SLFN5: variants seen among roughly 807,000 people sequenced by gnomAD.
The protein encoded by SLFN5 is schlafen family member 5.
SLFN5 carries 34 observed loss-of-function variants against 48.5 expected under a neutral mutation model. The ratio of observed to expected loss-of-function variants is 0.70; its 90% CI spans 0.53 to 0.93. The LOEUF (loss-of-function observed/expected upper bound fraction) is 0.93, where lower values mean the gene tolerates loss of function less well. SLFN5 is among the 40% of genes least tolerant of loss of function. SLFN5 has a pLI of 0.00. For synonymous variants in SLFN5, 387 were observed against 396.2 expected, an observed-to-expected ratio of 0.98 and a Z score of 0.28; for missense variants, 1,006 against 1,071.3, an observed-to-expected ratio of 0.94 and a Z score of 0.85.
rs925839580 is a variant in SLFN5 at position 35,269,303 on chromosome 17, A to G, written c.*3415A>G. On this transcript the variant is annotated 3_prime_UTR_variant, in exon 5 of 5. Transcript: ENST00000299977. ...AAATCTAGCTAAGCAAGCAACATGT[A>G]CAAATAAAAGATTATTATAATTGGA... 1.3e-5 allele frequency: 2 copies of G among 152,234 alleles called. No homozygotes were observed. Among genetic ancestry groups the G allele is most frequent in the African/African-American group, 4.8e-5 (2 of 41,464 alleles). The allele number at this position is 152,234 out of a possible 1,614,324, so 9.4% of individuals were successfully genotyped here. A position where few individuals can be genotyped will look rare whatever the true frequency, so the allele number is the denominator to read the frequency against.
chr17:35,258,294 TCAC>T (rs2142697724), intron 1 of SLFN5, among the ~76,000 whole-genome samples: 1 of 152,154 alleles, frequency 6.6e-6, no homozygotes, highest in East Asian at 1.9e-4. Context: ...GTCCTGACAA[TCAC>T]GGTGGACGGT....
intron 1 of SLFN5, among the ~76,000 whole-genome samples, chr17:35,250,482 C>T (rs905981891): frequency 3.2e-4 from 48 of 152,112 alleles, no homozygotes; most frequent in Non-Finnish European, 4.4e-5. Flanking sequence ...CGGTGAAACC[C>T]GGTCTCTACT....
At position 35,258,676 on chromosome 17, in the gene SLFN5, C is replaced by A. The variant is rs975898987; in HGVS notation, c.-15C>A. ...GAGAACATTTCAGGATAGGAATAGG[C>A]CAAGTGCTGAGAAGATGAGTCTTAG... is the stretch of plus-strand genomic sequence containing the variant. On this transcript the variant is annotated 5_prime_UTR_variant, in exon 2 of 5. Transcript: ENST00000299977. The A allele has an allele frequency of 6.2e-7, 1 of 1,604,206 alleles. No individual in the cohort carries two copies. Among genetic ancestry groups the A allele is most frequent in the African/African-American group, 1.3e-5 (1 of 74,842 alleles).
chr17:35,248,268 A>G (rs1263739399), intron 1 of SLFN5, among the ~76,000 whole-genome samples: 1 of 152,198 alleles, frequency 6.6e-6, no homozygotes, highest in Non-Finnish European at 1.5e-5. Context: ...TTAGAAAAGT[A>G]GGAATAAGAT....
At chr17:35,253,359 ACTCTCTCT>A (rs57385773) in intron 1 of SLFN5, among the ~76,000 whole-genome samples, 1 of 149,934 alleles carries the variant, frequency 6.7e-6, no homozygotes, top group Non-Finnish European at 1.5e-5. Flanking sequence ...ACTGTATAGC[ACTCTCTCT>A]CTCTCTCTCT....
chr17:35,264,725 T>C lies in SLFN5; in HGVS notation c.1681T>C (p.Tyr561His), dbSNP rs1303116804. Residue 561 changes from tyrosine to histidine, a missense_variant, in exon 4 of 5, where the codon TAT (tyrosine) becomes CAT (histidine). Tyr to His is a moderately conservative substitution (Grantham distance 83). Transcript: ENST00000299977. ...EVLNLLTNKQ[Y>H]ELLSKNLRKT... ...TTTGAACCTACTGACAAATAAACAG[T>C]ATGAGTTGCTTTCAAAGAACCTTCG... is the stretch of plus-strand genomic sequence containing the variant. The C allele has an allele frequency of 1.2e-6, 2 of 1,604,904 alleles. No individual in the cohort carries two copies. Among genetic ancestry groups the C allele is most frequent in the Non-Finnish European group, 1.7e-6 (2 of 1,176,854 alleles).
Position 35,261,094 on chromosome 17 carries a change from C to G in SLFN5, c.1136C>G (p.Pro379Arg). Residue 379 changes from proline (P) to arginine (R), a missense_variant and splice_region_variant, in exon 3 of 5, where the codon CCA becomes CGA. Transcript: ENST00000299977. ...AAAGAGCAGCAGAAACGCTACTTTC[C>G]AGGTAATTGGCCATCTCTGGTTGCT... ...CLKEQQKRYF[P>R]VFSDRVVYTP... 6 of 1,612,708 alleles carry G rather than the reference C, an allele frequency of 3.7e-6. No homozygotes were observed. Among genetic ancestry groups the G allele is most frequent in the Non-Finnish European group, 5.1e-6 (6 of 1,179,080 alleles).
At chr17:35,249,967 T>C (rs1422422654) in intron 1 of SLFN5, among the ~76,000 whole-genome samples, 1 of 151,966 alleles carries the variant, frequency 6.6e-6, no homozygotes, top group African/African-American at 2.4e-5. Context: ...TACCCAAACT[T>C]CCCCAATATC....
At chr17:35,244,520 A>G (rs1037688206) in intron 1 of SLFN5, among the ~76,000 whole-genome samples, 4 of 152,192 alleles carry the variant, frequency 2.6e-5, no homozygotes, top group Admixed American at 2.0e-4. Flanking sequence ...TTGTGGGGGA[A>G]AAAGAAGCCG....
At chr17:35,262,859 G>A (rs879609411) in intron 3 of SLFN5, among the ~76,000 whole-genome samples, 2 of 151,712 alleles carry the variant, frequency 1.3e-5, no homozygotes, top group Non-Finnish European at 2.9e-5. Flanking sequence ...GCAAGACCCC[G>A]TCCCCCCCAA....
intron 1 of SLFN5, among the ~76,000 whole-genome samples, chr17:35,246,662 C>G (rs2092431370): frequency 6.6e-6 from 1 of 152,076 alleles, no homozygotes; most frequent in African/African-American, 2.4e-5. Context: ...TGAGACCAGC[C>G]TGGTCAACAT....
chr17:35,252,021 T>C lies in SLFN5; in HGVS notation c.-40-6630T>C, dbSNP rs2092443694. On this transcript the variant is annotated intron_variant, in intron 1 of 4. Transcript: ENST00000299977. ...CTCTGGTGCTCTCAAAATGGCCACT[T>C]GCTGGCACCAAATTATTTAAAATGG... Among the ~76,000 whole-genome samples, 3 of 152,298 alleles carry C rather than the reference T, an allele frequency of 2.0e-5. No individual in the cohort carries two copies. The South Asian group carries it at 6.2e-4, about 32-fold the overall frequency.
At chr17:35,260,823 T>C (rs1346947233) in intron 2 of SLFN5, 148 bp from the exon 3 acceptor site, 1 of 922,656 alleles carries the variant, frequency 1.1e-6, no homozygotes, top group Non-Finnish European at 1.5e-6. Flanking sequence ...CTCAGTAGGC[T>C]TTCCTGAGCT....
At chr17:35,256,542 ACCAGT>A (rs907651351) in intron 1 of SLFN5, among the ~76,000 whole-genome samples, 2 of 151,808 alleles carry the variant, frequency 1.3e-5, no homozygotes, top group African/African-American at 4.8e-5. Flanking sequence ...ACAAAACACT[ACCAGT>A]TTGGTTCTTT....
rs1904714281 is a variant in SLFN5 at position 35,266,883 on chromosome 17, C to A, written c.*995C>A. Reference sequence around the variant, plus strand: ...CATTTCCTGTGGGTCTCTAGAAACTCTCTCAATATTTAAAGCCAAACAAAT... The same window carrying A: ...CATTTCCTGTGGGTCTCTAGAAACTATCTCAATATTTAAAGCCAAACAAAT... On this transcript the variant is annotated 3_prime_UTR_variant, in exon 5 of 5. Transcript: ENST00000299977. 6.6e-6 allele frequency: 1 copy of A among 152,174 alleles called. No homozygotes were observed. Among genetic ancestry groups the A allele is most frequent in the African/African-American group, 2.4e-5 (1 of 41,444 alleles). The allele number at this position is 152,174 out of a possible 1,614,324, so 9.4% of individuals were successfully genotyped here.
intron 1 of SLFN5, among the ~76,000 whole-genome samples, chr17:35,254,808 G>C (rs1276195295): frequency 6.6e-6 from 1 of 152,196 alleles, no homozygotes; most frequent in African/African-American, 2.4e-5. Context: ...CCTGAGGTCA[G>C]GAGTTCGAGA....
At chr17:35,253,309 C>T (rs1245563434) in intron 1 of SLFN5, among the ~76,000 whole-genome samples, 1 of 152,110 alleles carries the variant, frequency 6.6e-6, no homozygotes, top group Non-Finnish European at 1.5e-5. Context: ...GAGTTGCAAA[C>T]ATTCAGACCA....
intron 1 of SLFN5, among the ~76,000 whole-genome samples, chr17:35,245,021 C>A (rs1019845822): frequency 1.1e-4 from 16 of 152,152 alleles, no homozygotes; most frequent in African/African-American, 3.4e-4. Context: ...TTATAGCAGC[C>A]CCACTTTAAC....
At chr17:35,261,338 C>A (rs1195486903) in intron 3 of SLFN5, among the ~76,000 whole-genome samples, 3 of 152,096 alleles carry the variant, frequency 2.0e-5, no homozygotes, top group Admixed American at 2.0e-4. Flanking sequence ...AATTTTACTA[C>A]ATTAAAATTA....
Sources: allele counts gnomAD v4.1 joint callset (sites outside exome capture counted in the v4.1 genomes callset), GRCh38; gene constraint gnomAD v4.1.1; transcripts MANE v1.5; gene names NCBI Gene and HGNC (gene_info 2026-07-23, HGNC 2026-07-21).